The following CNTNAP2 variants were observed in gnomAD, a reference collection of about 807,000 sequenced individuals.
CNTNAP2 encodes the protein contactin-associated protein-like 2.
In CNTNAP2, 98 loss-of-function variants were observed where a neutral mutation model predicts 155.2. The ratio of observed to expected loss-of-function variants is 0.63; its 90% CI spans 0.54 to 0.75. CNTNAP2 has a LOEUF of 0.75. Among genes scored for constraint, CNTNAP2 ranks in the 30% least tolerant of loss-of-function variants. The pLI is 0.00. For missense variants in CNTNAP2, 1,727 were observed against 1,688.1 expected, an observed-to-expected ratio of 1.02 and a Z score of -0.40; for synonymous variants, 651 against 631.2, an observed-to-expected ratio of 1.03 and a Z score of -0.47.
intron 21 of CNTNAP2, among the ~76,000 whole-genome samples, 165 bp from the exon 22 acceptor site, chr7:148,383,484 G>A (rs982221151): frequency 4.6e-5 from 7 of 152,156 alleles, no homozygotes; most frequent in Non-Finnish European, 1.0e-4. Flanking sequence ...AGTCAAGTAT[G>A]CAGCCCTAAA....
At chr7:147,769,397 G>T (rs796527993) in intron 13 of CNTNAP2, among the ~76,000 whole-genome samples, 2 of 152,042 alleles carry the variant, frequency 1.3e-5, no homozygotes, top group African/African-American at 4.8e-5. Flanking sequence ...ACAAGAACAC[G>T]GTGTAAATAT....
At chr7:147,155,188 C>T (rs1342765084) in intron 8 of CNTNAP2, among the ~76,000 whole-genome samples, 1 of 152,114 alleles carries the variant, frequency 6.6e-6, no homozygotes, top group Admixed American at 6.6e-5. Context: ...TGTTAGTGCC[C>T]TTATAAAAGA....
chr7:147,548,944 T>C (rs142846629), intron 11 of CNTNAP2, among the ~76,000 whole-genome samples: 417 of 152,334 alleles, frequency 2.7e-3, no homozygotes, highest in African/African-American at 9.5e-3. Flanking sequence ...CTGAGGTCTC[T>C]GTTCTGTTCC....
chr7:147,368,623 C>G (rs903495775), intron 9 of CNTNAP2, among the ~76,000 whole-genome samples: 10 of 152,124 alleles, frequency 6.6e-5, no homozygotes, highest in African/African-American at 2.4e-4. Context: ...GCAGCTCTGG[C>G]TACTGCAACC....
intron 2 of CNTNAP2, among the ~76,000 whole-genome samples, chr7:146,793,378 T>C (rs1020747110): frequency 3.9e-5 from 6 of 152,188 alleles, no homozygotes; most frequent in African/African-American, 1.4e-4. Flanking sequence ...TCTAGCAACA[T>C]GCCAAGTCTG....
intron 8 of CNTNAP2, among the ~76,000 whole-genome samples, chr7:147,148,262 C>T (rs1420345706): frequency 3.3e-5 from 5 of 150,290 alleles, no homozygotes; most frequent in East Asian, 2.0e-4. Flanking sequence ...TAGTGGCGGG[C>T]GCCTGTAGTC....
intron 1 of CNTNAP2, among the ~76,000 whole-genome samples, chr7:146,673,234 C>T (rs1000472998): frequency 3.9e-5 from 6 of 152,052 alleles, no homozygotes; most frequent in Non-Finnish European, 8.8e-5. Flanking sequence ...TATAACATTT[C>T]CTGTAATTTG....
chr7:146,767,715 T>C (rs1397609934), intron 1 of CNTNAP2, among the ~76,000 whole-genome samples: 20 of 152,184 alleles, frequency 1.3e-4, no homozygotes, highest in Admixed American at 9.8e-4. Flanking sequence ...AGAAGGAGCA[T>C]ACATTTTTAT....
At chr7:147,746,047 A>G (rs1021810162) in intron 13 of CNTNAP2, among the ~76,000 whole-genome samples, 4 of 152,212 alleles carry the variant, frequency 2.6e-5, no homozygotes, top group African/African-American at 9.7e-5. Flanking sequence ...ACAGAATAAA[A>G]GCACACAGGG....
chr7:146,792,137 C>T lies in CNTNAP2; in HGVS notation c.208+17756C>T, dbSNP rs79519697. Among the ~76,000 whole-genome samples the T allele has an allele frequency of 3.6e-3, 547 of 152,160 alleles. 2 individuals carry two copies. The highest frequency in any genetic ancestry group is 0.012 in the African/African-American group (492 of 41,490). ...GTACAGTGATTCATATTTCAGGCAC[C>T]TCAATTAGACATTCATTATTCATAA... On this transcript the variant is annotated intron_variant, in intron 2 of 23. Transcript: ENST00000361727.
At position 147,532,502 on chromosome 7, in the gene CNTNAP2, A is replaced by G. The variant is rs375638780; in HGVS notation, c.1778-29636A>G. ...CATTTTCTGATCTTCTCAGCCCTCC[A>G]AACTGTTCCAGCCTCTGCCTGTTAC... On this transcript the variant is annotated intron_variant, in intron 11 of 23. Coordinates refer to ENST00000361727, the MANE Select transcript of CNTNAP2 (RefSeq NM_014141.6). 2.6e-5 allele frequency among the ~76,000 whole-genome samples: 4 copies of G among 152,274 alleles called. No homozygotes were observed. The East Asian group carries it at 7.7e-4, about 29-fold the overall frequency.
chr7:147,030,578 A>G (rs1283994850), intron 3 of CNTNAP2, among the ~76,000 whole-genome samples: 1 of 152,172 alleles, frequency 6.6e-6, no homozygotes, highest in Non-Finnish European at 1.5e-5. Context: ...TTTCCCCAAT[A>G]TCTTCTTATT....
At chr7:147,670,220 C>T (rs1046689112) in intron 13 of CNTNAP2, among the ~76,000 whole-genome samples, 1 of 152,010 alleles carries the variant, frequency 6.6e-6, no homozygotes, top group Non-Finnish European at 1.5e-5. Flanking sequence ...TTCTTGAGTC[C>T]ATGTGGTCTA....
At position 146,495,166 on chromosome 7, in the gene CNTNAP2, T is replaced by C. The variant is rs562887863; in HGVS notation, c.98-279105T>C. Among the ~76,000 whole-genome samples, 7 of 152,360 alleles carry C rather than the reference T, an allele frequency of 4.6e-5. No individual in the cohort carries two copies. The East Asian group carries it at 1.3e-3, about 29-fold the overall frequency. ...TGCCGGCTAGGCAGGTCAGCTCCTC[T>C]GGGACCCTAGTTACAATGGCATTTT... On this transcript the variant is annotated intron_variant, in intron 1 of 23. Transcript: ENST00000361727.
intron 1 of CNTNAP2, among the ~76,000 whole-genome samples, chr7:146,558,136 C>T (rs766040742): frequency 6.6e-6 from 1 of 152,166 alleles, no homozygotes; most frequent in Admixed American, 6.5e-5. Context: ...GCCAAAGCAT[C>T]TTCTGGAAGA....
At chr7:146,697,478 A>T (rs1800801983) in intron 1 of CNTNAP2, among the ~76,000 whole-genome samples, 1 of 152,124 alleles carries the variant, frequency 6.6e-6, no homozygotes, top group Non-Finnish European at 1.5e-5. Flanking sequence ...ACCTCAAGTG[A>T]TCTTCCCTTC....
Position 147,096,999 on chromosome 7 carries a change from T to G in CNTNAP2, c.551-11148T>G, listed in dbSNP as rs1800549343. Reference sequence around the variant, plus strand: ...CTATTTTATGGTTGAGGTAAAATTTTCACCCAAAGGTATGTGAAATCAAAC... The same window carrying G: ...CTATTTTATGGTTGAGGTAAAATTTGCACCCAAAGGTATGTGAAATCAAAC... On this transcript the variant is annotated intron_variant, in intron 4 of 23. Transcript: ENST00000361727. Among the ~76,000 whole-genome samples the G allele has an allele frequency of 2.6e-5, 4 of 152,196 alleles. No homozygotes were observed. In the South Asian group the frequency reaches 8.3e-4, roughly 31 times the overall value.
At chr7:146,148,729 T>C (rs1025279414) in intron 1 of CNTNAP2, among the ~76,000 whole-genome samples, 11 of 152,124 alleles carry the variant, frequency 7.2e-5, no homozygotes, top group Non-Finnish European at 1.5e-4. Flanking sequence ...AAAATAGTAA[T>C]GTATAAGAAT....
intron 4 of CNTNAP2, among the ~76,000 whole-genome samples, chr7:147,100,820 C>A (rs1173356060): frequency 1.3e-5 from 2 of 152,128 alleles, no homozygotes; most frequent in African/African-American, 4.8e-5. Flanking sequence ...GCCAGGAATC[C>A]AAAACGGAAC....
Sources: allele counts gnomAD v4.1 joint callset (sites outside exome capture counted in the v4.1 genomes callset), GRCh38; gene constraint gnomAD v4.1.1; transcripts MANE v1.5; gene names NCBI Gene and HGNC (gene_info 2026-07-23, HGNC 2026-07-21).